TNS1: variants seen among roughly 807,000 people sequenced by gnomAD.
The protein encoded by TNS1 is tensin-1.
In TNS1, 62 loss-of-function variants were observed where a neutral mutation model predicts 168.6. That is an observed-to-expected ratio of 0.37 (90% CI 0.30 to 0.45). TNS1 has a LOEUF of 0.45. Among genes scored for constraint, TNS1 ranks in the 20% least tolerant of loss-of-function variants. TNS1 has a pLI of 1.00. For synonymous variants in TNS1, 934 were observed against 933.2 expected, an observed-to-expected ratio of 1.00 and a Z score of -0.02; for missense variants, 2,240 against 2,339.4, an observed-to-expected ratio of 0.96 and a Z score of 0.88.
At chr2:217,872,035 C>T (rs562009038) in intron 18 of TNS1, among the ~76,000 whole-genome samples, 1 of 152,354 alleles carries the variant, frequency 6.6e-6, no homozygotes, top group Admixed American at 6.5e-5. Flanking sequence ...CCTGCCTTCA[C>T]CATTTATCCA....
At chr2:217,892,773 C>T (rs1004433649) in intron 11 of TNS1, among the ~76,000 whole-genome samples, 175 bp downstream of exon 11, 1 of 152,154 alleles carries the variant, frequency 6.6e-6, no homozygotes, top group Non-Finnish European at 1.5e-5. Context: ...CCCTCCCGCC[C>T]TCTGTCCACA....
chr2:218,006,541 A>C (rs929774706), upstream of TNS1, among the ~76,000 whole-genome samples: 2 of 152,242 alleles, frequency 1.3e-5, no homozygotes, highest in African/African-American at 4.8e-5. Flanking sequence ...AGAGCATTTT[A>C]AAGCTGGAAA....
chr2:218,031,166 A>T (rs115879284), intron 1 of TNS1, among the ~76,000 whole-genome samples: 5,885 of 105,962 alleles, frequency 0.056, 400 homozygotes, highest in African/African-American at 0.23. Flanking sequence ...CATGTCTATG[A>T]GTGTCTTGTG....
chr2:218,018,978 G>A (rs1420790172), intron 1 of TNS1, among the ~76,000 whole-genome samples: 7 of 152,070 alleles, frequency 4.6e-5, no homozygotes, highest in Non-Finnish European at 1.0e-4. Context: ...TCGGGAAGCT[G>A]AGGTAGGAGA....
rs1937483958 is a variant in TNS1, at chr2:217,801,497, A to AC, written c.*2961dup. Reference sequence around the variant, plus strand: ...CTCTTTGTTGCCCATCTTCTCCCAGACCCTTTCCCATCCCAGCCCATGTTC... The same window carrying AC: ...CTCTTTGTTGCCCATCTTCTCCCAGACCCCTTTCCCATCCCAGCCCATGTTC... On this transcript the variant is annotated 3_prime_UTR_variant, in exon 33 of 33. Transcript: ENST00000682258. The AC allele has an allele frequency of 6.6e-6, 1 of 151,900 alleles. No homozygotes were observed. Among genetic ancestry groups the AC allele is most frequent in the African/African-American group, 2.4e-5 (1 of 41,322 alleles). 9.4% of individuals were successfully genotyped at this position (151,900 alleles called of 1,614,324 possible).
At chr2:217,917,806 G>A (rs1050300974) in intron 4 of TNS1, among the ~76,000 whole-genome samples, 3 of 144,302 alleles carry the variant, frequency 2.1e-5, no homozygotes, top group Non-Finnish European at 4.5e-5. Context: ...ACTCCAGCCT[G>A]GGCAACACAG....
At position 217,801,399 on chromosome 2, in the gene TNS1, G is replaced by C. The variant is rs1376846839; in HGVS notation, c.*3060C>G. The C allele has an allele frequency of 6.6e-6, 1 of 152,232 alleles. No individual in the cohort carries two copies. The highest frequency in any genetic ancestry group is 1.5e-5 in the Non-Finnish European group (1 of 68,102). 9.4% of individuals were successfully genotyped at this position (152,232 alleles called of 1,614,324 possible). A position where few individuals can be genotyped will look rare whatever the true frequency, so the allele number is the denominator to read the frequency against. The stretch of plus-strand genomic sequence containing the variant: ...CTGCCCTCTTCCCTCCAGACACCCA[G>C]CTGGACAGCTGGTGGCAGCACGGGA... On this transcript the variant is annotated 3_prime_UTR_variant, in exon 33 of 33. Transcript: ENST00000682258.
rs375058582 is a variant in TNS1, at chr2:217,830,378, C to T, written c.3373+1077G>A. On this transcript the variant is annotated intron_variant, in intron 22 of 32. Transcript: ENST00000682258. ...CACTGCCCACCTACCTGGCTGGATC[C>T]GTCTTCTGGTAACTAAGGAAAAAAG... The T allele has an allele frequency of 2.2e-5, 35 of 1,614,034 alleles. No homozygotes were observed. In the Middle Eastern group the frequency reaches 6.6e-4, roughly 30 times the overall value.
intron 25 of TNS1, among the ~76,000 whole-genome samples, chr2:217,814,221 G>C (rs1941490165): frequency 6.6e-6 from 1 of 152,082 alleles, no homozygotes; most frequent in Admixed American, 6.6e-5. Flanking sequence ...TCACTATGTT[G>C]CCCTGGCTGG....
chr2:217,974,723 T>G (rs568203709), intron 3 of TNS1, among the ~76,000 whole-genome samples: 1 of 152,330 alleles, frequency 6.6e-6, no homozygotes, highest in Non-Finnish European at 1.5e-5. Flanking sequence ...AATGTGCATT[T>G]AATCCTCTGC....
At chr2:217,832,054 C>G (rs1437317739) in intron 21 of TNS1, among the ~76,000 whole-genome samples, 1 of 152,152 alleles carries the variant, frequency 6.6e-6, no homozygotes, top group Non-Finnish European at 1.5e-5. Flanking sequence ...ATGGCACACC[C>G]TGCAAAGGAC....
chr2:218,010,538 G>A (rs901483938), upstream of TNS1: 1 of 187,620 alleles, frequency 5.3e-6, no homozygotes, highest in Non-Finnish European at 1.1e-5. Context: ...CCTGCTTCCC[G>A]GGCGCGCTGC....
chr2:217,850,499 C>A lies in TNS1; in HGVS notation c.1430-1412G>T, dbSNP rs947423939. 2.1e-5 allele frequency: 21 copies of A among 984,944 alleles called. 1 individual carries two copies. The African/African-American group carries it at 3.7e-4, about 17-fold the overall frequency. 61.0% of individuals were successfully genotyped at this position (984,944 alleles called of 1,614,324 possible). A position where few individuals can be genotyped will look rare whatever the true frequency, so the allele number is the denominator to read the frequency against. ...GTGGCTCGGGGCCAAAGGGCTGACT[C>A]AGGAATGAAGAACTTCCCCGCCCAG... On this transcript the variant is annotated intron_variant, in intron 18 of 32. Transcript: ENST00000682258.
At chr2:217,804,835 A>G (rs75156815) in intron 32 of TNS1, among the ~76,000 whole-genome samples, 19,309 of 152,122 alleles carry the variant, frequency 0.13, 1,613 homozygotes, top group East Asian at 0.42. Context: ...GTGGGCAGAA[A>G]TCCCCTTTGA....
intron 4 of TNS1, among the ~76,000 whole-genome samples, chr2:217,911,897 A>G (rs1954452012): frequency 6.6e-6 from 1 of 152,256 alleles, no homozygotes; most frequent in African/African-American, 2.4e-5. Flanking sequence ...GTAGGAAGAC[A>G]CTTCTTAACC....
chr2:217,906,298 G>A, intron 6 of TNS1, 37 bp downstream of exon 6: 1 of 698,062 alleles, frequency 1.4e-6, no homozygotes, highest in Non-Finnish European at 2.6e-6. Context: ...GGCCACCAGG[G>A]CCCAGCCCCA....
chr2:217,905,645 A>G (rs1457552707), intron 6 of TNS1, among the ~76,000 whole-genome samples: 1 of 152,222 alleles, frequency 6.6e-6, no homozygotes, highest in East Asian at 1.9e-4. Flanking sequence ...CACAGGGAGT[A>G]CGGTCAGAGA....
At chr2:217,916,661 T>C (rs1264413214) in intron 4 of TNS1, among the ~76,000 whole-genome samples, 2 of 152,048 alleles carry the variant, frequency 1.3e-5, no homozygotes, top group African/African-American at 2.4e-5. Flanking sequence ...CAACATCTGT[T>C]GAGTAAGATG....
intron 18 of TNS1, among the ~76,000 whole-genome samples, chr2:217,878,301 T>A (rs189461691): frequency 4.5e-4 from 68 of 152,314 alleles, no homozygotes; most frequent in African/African-American, 1.5e-3. Flanking sequence ...AGAGAGGTAC[T>A]AGGCTTAGTG....
Sources: allele counts gnomAD v4.1 joint callset (sites outside exome capture counted in the v4.1 genomes callset), GRCh38; gene constraint gnomAD v4.1.1; transcripts MANE v1.5; gene names NCBI Gene and HGNC (gene_info 2026-07-23, HGNC 2026-07-21).